The following KLHL1 variants were observed in gnomAD, a reference collection of about 807,000 sequenced individuals.
KLHL1 encodes kelch like family member 1, also known as kelch-like protein 1.
A neutral mutation model predicts 77.7 loss-of-function variants in KLHL1; 47 were observed. That is an observed-to-expected ratio of 0.60 (90% CI 0.48 to 0.77). The LOEUF (loss-of-function observed/expected upper bound fraction) is 0.77, where lower values mean the gene tolerates loss of function less well. KLHL1 is among the 30% of genes least tolerant of loss of function. The pLI, the probability that KLHL1 is intolerant of heterozygous loss-of-function variation, is 0.00. For missense variants in KLHL1, 925 were observed against 910.8 expected, an observed-to-expected ratio of 1.02 and a Z score of -0.20; for synonymous variants, 360 against 325.2, an observed-to-expected ratio of 1.11 and a Z score of -1.15.
intron 4 of KLHL1, among the ~76,000 whole-genome samples, chr13:69,924,473 C>T (rs1250286881): frequency 2.0e-5 from 3 of 152,182 alleles, no homozygotes; most frequent in African/African-American, 7.2e-5. Flanking sequence ...GGTCTCACCC[C>T]TTCTGAGAGC....
intron 1 of KLHL1, among the ~76,000 whole-genome samples, chr13:70,003,909 C>T (rs2439680): frequency 0.1 from 15,628 of 151,594 alleles, 875 homozygotes; most frequent in African/African-American, 0.12. Context: ...ATTTAATATA[C>T]GGACAGTGTT....
intron 6 of KLHL1, among the ~76,000 whole-genome samples, chr13:69,824,703 C>T (rs748064489): frequency 5.9e-5 from 9 of 151,920 alleles, no homozygotes; most frequent in East Asian, 1.9e-4. Flanking sequence ...GCAAAACTAA[C>T]GTAGGTTGAA....
intron 1 of KLHL1, among the ~76,000 whole-genome samples, chr13:70,045,123 C>A (rs1886464492): frequency 6.6e-6 from 1 of 152,100 alleles, no homozygotes; most frequent in Non-Finnish European, 1.5e-5. Flanking sequence ...AGATACAACT[C>A]AAGGAATGTC....
chr13:70,070,894 A>G (rs1482554434), intron 1 of KLHL1, among the ~76,000 whole-genome samples: 1 of 152,012 alleles, frequency 6.6e-6, no homozygotes. Context: ...ACCTAGGGAA[A>G]CCATTTTTTT....
chr13:69,799,815 T>A (rs931861717), intron 6 of KLHL1, among the ~76,000 whole-genome samples: 8 of 152,154 alleles, frequency 5.3e-5, no homozygotes, highest in Admixed American at 5.2e-4. Context: ...CGTGGACCAG[T>A]AATGGTCCGT....
intron 7 of KLHL1, among the ~76,000 whole-genome samples, chr13:69,759,949 A>G (rs566291789): frequency 6.6e-6 from 1 of 152,306 alleles, no homozygotes; most frequent in East Asian, 1.9e-4. Context: ...AAACAATAGT[A>G]AGAGTTTCTA....
chr13:69,901,937 A>G (rs925986062), intron 4 of KLHL1, among the ~76,000 whole-genome samples: 3 of 151,810 alleles, frequency 2.0e-5, no homozygotes, highest in Admixed American at 1.3e-4. Context: ...AGCTGGGGTT[A>G]CAAGCATGTA....
intron 1 of KLHL1, among the ~76,000 whole-genome samples, chr13:70,063,087 C>G (rs1267889030): frequency 6.6e-6 from 1 of 152,080 alleles, no homozygotes; most frequent in Non-Finnish European, 1.5e-5. Flanking sequence ...AATTGCAATT[C>G]AGATTCCCCT....
chr13:70,102,879 CAG>C (rs1887957266), intron 1 of KLHL1, among the ~76,000 whole-genome samples: 2 of 152,092 alleles, frequency 1.3e-5, no homozygotes, highest in Admixed American at 1.3e-4. Flanking sequence ...ATTCATTTGA[CAG>C]TATTTATTGA....
chr13:70,020,500 A>G (rs1044826152), intron 1 of KLHL1, among the ~76,000 whole-genome samples: 1 of 152,058 alleles, frequency 6.6e-6, no homozygotes, highest in Non-Finnish European at 1.5e-5. Context: ...GGAGTTAAGC[A>G]TTTTCCTCAG....
At position 69,822,197 on chromosome 13, in the gene KLHL1, C is replaced by CAAAAA. The variant is rs35346749; in HGVS notation, c.1414+16774_1414+16778dup. ...TGGGTGACAGAGGGAGACTCCATCT[C>CAAAAA]AAAAAAAAAAAAAAAAAGAGAACAG... On this transcript the variant is annotated intron_variant, in intron 6 of 10. Coordinates refer to ENST00000377844, the MANE Select transcript of KLHL1 (RefSeq NM_020866.3). 2.4e-3 allele frequency among the ~76,000 whole-genome samples: 187 copies of CAAAAA among 78,370 alleles called. 1 individual carries two copies. Among genetic ancestry groups the CAAAAA allele is most frequent in the African/African-American group, 8.1e-3 (178 of 21,860 alleles). 51.4% of individuals were successfully genotyped at this position (78,370 alleles called of 152,430 possible). A position where few individuals can be genotyped will look rare whatever the true frequency, so the allele number is the denominator to read the frequency against.
intron 5 of KLHL1, among the ~76,000 whole-genome samples, chr13:69,857,690 G>C (rs1386837712): frequency 1.3e-5 from 2 of 151,820 alleles, no homozygotes; most frequent in Non-Finnish European, 1.5e-5. Context: ...AAGTATTTCA[G>C]GGTTAAATTT....
intron 1 of KLHL1, among the ~76,000 whole-genome samples, chr13:70,082,056 C>T (rs1047252562): frequency 6.6e-6 from 1 of 152,046 alleles, no homozygotes; most frequent in Non-Finnish European, 1.5e-5. Flanking sequence ...GTTTGTAGCA[C>T]TTCCCCCTTT....
chr13:69,782,441 G>A (rs1876274655), intron 7 of KLHL1, among the ~76,000 whole-genome samples: 1 of 152,174 alleles, frequency 6.6e-6, no homozygotes, highest in African/African-American at 2.4e-5. Context: ...ACGGCACCTG[G>A]AAAATCGGGT....
At chr13:69,810,638 GAACA>G (rs144620558) in intron 6 of KLHL1, among the ~76,000 whole-genome samples, 5,539 of 151,262 alleles carry the variant, frequency 0.037, 126 homozygotes, top group Middle Eastern at 0.062. Flanking sequence ...AGAAAAACAA[GAACA>G]AACTAAACAA....
chr13:70,009,603 A>G (rs1953949002), intron 1 of KLHL1, among the ~76,000 whole-genome samples: 1 of 152,154 alleles, frequency 6.6e-6, no homozygotes, highest in South Asian at 2.1e-4. Flanking sequence ...GTTGGAAAAG[A>G]AGTATGGACG....
intron 7 of KLHL1, among the ~76,000 whole-genome samples, chr13:69,763,664 G>A (rs1411827276): frequency 6.6e-6 from 1 of 152,202 alleles, no homozygotes; most frequent in Non-Finnish European, 1.5e-5. Context: ...TCTCACCTAG[G>A]TGAGAACCTG....
chr13:69,787,085 C>A (rs1238401898), intron 7 of KLHL1, among the ~76,000 whole-genome samples: 2 of 152,098 alleles, frequency 1.3e-5, no homozygotes, highest in African/African-American at 4.8e-5. Context: ...CCATACTGCC[C>A]AAGGTAATTT....
Position 69,888,317 on chromosome 13 carries a change from A to T in KLHL1, c.1015-5822T>A, listed in dbSNP as rs1401370130. 2.6e-5 allele frequency among the ~76,000 whole-genome samples: 4 copies of T among 152,292 alleles called. No homozygotes were observed. In the South Asian group the frequency reaches 6.2e-4, roughly 24 times the overall value. ...TTGGGGGGACACAAATCATAGCAGC[A>T]TCTCTTCCAAATACTATATTTAATA... On this transcript the variant is annotated intron_variant, in intron 4 of 10. Coordinates refer to ENST00000377844, the MANE Select transcript of KLHL1 (RefSeq NM_020866.3).
Sources: allele counts gnomAD v4.1 joint callset (sites outside exome capture counted in the v4.1 genomes callset), GRCh38; gene constraint gnomAD v4.1.1; transcripts MANE v1.5; gene names NCBI Gene and HGNC (gene_info 2026-07-23, HGNC 2026-07-21).